Variants in PER3 observed in about 807,000 individuals in gnomAD.
The protein encoded by PER3 is period circadian regulator 3, also known as period circadian protein homolog 3.
A neutral mutation model predicts 127.2 loss-of-function variants in PER3; 107 were observed. That is an observed-to-expected ratio of 0.84 (90% CI 0.72 to 0.99). The LOEUF (loss-of-function observed/expected upper bound fraction) is 0.99. Ranked by LOEUF, PER3 falls within the 50% of genes least tolerant of loss-of-function variation. The pLI is 0.00. For missense variants in PER3, 1,560 were observed against 1,525.8 expected (o/e 1.02, Z -0.37); for synonymous variants, 618 against 585.8 (o/e 1.05, Z -0.79).
intron 21 of PER3, among the ~76,000 whole-genome samples, chr1:7,839,419 C>A (rs1489632250): frequency 1.3e-5 from 2 of 152,122 alleles, no homozygotes; most frequent in African/African-American, 4.8e-5. Context: ...GTATTAGTTT[C>A]TTAAATCATG....
chr1:7,825,891 C>CAAAAA (rs33950591), intron 16 of PER3, among the ~76,000 whole-genome samples: 1 of 141,130 alleles, frequency 7.1e-6, no homozygotes. Context: ...AACTCCATCT[C>CAAAAA]AAAAAAAAAA....
Position 7,784,642 on chromosome 1 carries a change from T to A in PER3, c.-224-12T>A. The stretch of plus-strand genomic sequence containing the variant: ...CCATTTGTCCCTTGTCACCCTTGTC[T>A]CCTCCCCCTAGGCCGGAGTCCTGAA... On this transcript the variant is annotated splice_polypyrimidine_tract_variant and intron_variant, in intron 1 of 21. Coordinates refer to ENST00000377532, the MANE Select transcript of PER3 (RefSeq NM_001377275.1). 2.4e-6 allele frequency: 1 copy of A among 421,938 alleles called. No homozygotes were observed. Among genetic ancestry groups the A allele is most frequent in the Non-Finnish European group, 4.2e-6 (1 of 240,170 alleles). The allele number at this position is 421,938 out of a possible 1,614,324, so 26.1% of individuals were successfully genotyped here.
chr1:7,843,321 G>T lies in PER3; in HGVS notation c.*566G>T, dbSNP rs2097399688. 6.5e-6 allele frequency: 1 copy of T among 152,770 alleles called. No homozygotes were observed. The allele number at this position is 152,770 out of a possible 1,614,324, so 9.5% of individuals were successfully genotyped here. A position where few individuals can be genotyped will look rare whatever the true frequency, so the allele number is the denominator to read the frequency against. On this transcript the variant is annotated 3_prime_UTR_variant, in exon 22 of 22. Coordinates refer to ENST00000377532, the MANE Select transcript of PER3 (RefSeq NM_001377275.1). ...TCCATTAGCATATCTGGGATAACCAGGTTTTGGGGGTTGAGTTTTGGCCTT... is the reference window on the plus strand; with the variant it reads ...TCCATTAGCATATCTGGGATAACCATGTTTTGGGGGTTGAGTTTTGGCCTT...
chr1:7,813,337 G>C (rs1259018595), intron 13 of PER3, among the ~76,000 whole-genome samples: 1 of 152,152 alleles, frequency 6.6e-6, no homozygotes, highest in Non-Finnish European at 1.5e-5. Context: ...CATCACCCCA[G>C]ACTTAACAAC....
intron 7 of PER3, among the ~76,000 whole-genome samples, chr1:7,799,237 T>C (rs2097159324): frequency 6.6e-6 from 1 of 152,058 alleles, no homozygotes; most frequent in South Asian, 2.1e-4. Flanking sequence ...ACAGGGCTTA[T>C]GGGAAAAATG....
rs752827946 is a variant in PER3 at position 7,793,870 on chromosome 1, GT to G, written c.593-84del. ...AGACCTCTCTCTCTTTTAAAAAATA[GT>G]TTGTTGTTTGATAATGGTGCAACAT... On this transcript the variant is annotated intron_variant, in intron 5 of 21. Transcript: ENST00000377532. 3.5e-4 allele frequency: 392 copies of G among 1,114,282 alleles called. 5 individuals carry two copies. In the Middle Eastern group the frequency reaches 0.017, roughly 47 times the overall value. 69.0% of individuals were successfully genotyped at this position (1,114,282 alleles called of 1,614,324 possible).
chr1:7,829,953 ATC>A lies in PER3; in HGVS notation c.3007_3008del (p.Ser1003AlafsTer79). The A allele has an allele frequency of 3.4e-6, 4 of 1,161,258 alleles. No individual in the cohort carries two copies. The highest frequency in any genetic ancestry group is 1.9e-5 in the South Asian group (1 of 51,648). 71.9% of individuals were successfully genotyped at this position (1,161,258 alleles called of 1,614,324 possible). On this transcript the variant is annotated frameshift_variant, in exon 19 of 22. Coordinates refer to ENST00000377532, the MANE Select transcript of PER3 (RefSeq NM_001377275.1). LOFTEE classifies it high-confidence loss of function. ...CTACTGCCAGCGCTCTGTCCACAGG[ATC>A]GCCTCCCATGAAGAATCCATCCCAT... ...HPTASALSTG[S>X]PPMKNPSHPT...
At chr1:7,791,006 A>G (rs2097117257) in intron 5 of PER3, among the ~76,000 whole-genome samples, 1 of 152,158 alleles carries the variant, frequency 6.6e-6, no homozygotes, top group South Asian at 2.1e-4. Context: ...ATGGGCTGGC[A>G]TTGAGTGTCT....
At chr1:7,810,623 A>G (rs780061968) in intron 13 of PER3, 35 bp downstream of exon 13, 42 of 1,583,168 alleles carry the variant, frequency 2.7e-5, no homozygotes, top group Non-Finnish European at 3.3e-5. Flanking sequence ...ATCTCCTTCC[A>G]TGGGCTGTCA....
At chr1:7,837,778 G>C (rs923054678) in intron 21 of PER3, among the ~76,000 whole-genome samples, 4 of 152,196 alleles carry the variant, frequency 2.6e-5, no homozygotes, top group African/African-American at 7.2e-5. Context: ...GAAGAGTCAA[G>C]TTAATAACAA....
chr1:7,786,422 G>A (rs1005613736), intron 3 of PER3, among the ~76,000 whole-genome samples: 2 of 152,142 alleles, frequency 1.3e-5, no homozygotes, highest in Non-Finnish European at 2.9e-5. Flanking sequence ...GTTCCTGAAT[G>A]ACAGAGTACT....
At chr1:7,803,667 AT>A in intron 9 of PER3, 24 bp from the exon 10 acceptor site, 3 of 1,434,652 alleles carry the variant, frequency 2.1e-6, no homozygotes, top group Non-Finnish European at 2.9e-6. Context: ...AGTAAATCCT[AT>A]TTTTGTCTTA....
In PER3 at chr1:7,808,232, C is replaced by CAAA. The variant is rs60220289; in HGVS notation, c.1137-636_1137-634dup. Among the ~76,000 whole-genome samples the CAAA allele has an allele frequency of 2.5e-3, 240 of 97,700 alleles. 20 individuals are homozygous for CAAA. Among genetic ancestry groups the CAAA allele is most frequent in the East Asian group, 0.018 (68 of 3,824 alleles). 64.1% of individuals were successfully genotyped at this position (97,700 alleles called of 152,430 possible). On this transcript the variant is annotated intron_variant, in intron 10 of 21. Transcript: ENST00000377532. The stretch of plus-strand genomic sequence containing the variant: ...TGGGTGACAGAGCAAGACTCTGTCT[C>CAAA]AAAAAAAAAAAAAAAAAAAAAAAAA...
Position 7,810,698 on chromosome 1 carries a change from T to G in PER3, c.1522+110T>G. ...AAGTCATGACCCTGTGTTGCTGCTTTTCATATTTCTTGATTTGCCTAGATA... is the reference window on the plus strand; with the variant it reads ...AAGTCATGACCCTGTGTTGCTGCTTGTCATATTTCTTGATTTGCCTAGATA... On this transcript the variant is annotated intron_variant, in intron 13 of 21. Transcript: ENST00000377532. 3 of 1,030,636 alleles carry G rather than the reference T, an allele frequency of 2.9e-6. No individual in the cohort carries two copies. The East Asian group carries it at 7.7e-5, about 27-fold the overall frequency. The allele number at this position is 1,030,636 out of a possible 1,614,324, so 63.8% of individuals were successfully genotyped here.
At chr1:7,791,556 G>A (rs1022235089) in intron 5 of PER3, among the ~76,000 whole-genome samples, 1 of 152,220 alleles carries the variant, frequency 6.6e-6, no homozygotes, top group African/African-American at 2.4e-5. Context: ...TTTCCCCATT[G>A]TCTTGGTGAT....
intron 5 of PER3, among the ~76,000 whole-genome samples, chr1:7,791,600 C>T (rs1347665300): frequency 2.0e-5 from 3 of 152,260 alleles, no homozygotes; most frequent in African/African-American, 7.2e-5. Flanking sequence ...CTGCAAATTT[C>T]TGTAGCAGGC....
chr1:7,825,432 C>T (rs2097297050), intron 16 of PER3, among the ~76,000 whole-genome samples: 1 of 152,146 alleles, frequency 6.6e-6, no homozygotes, highest in Admixed American at 6.5e-5. Flanking sequence ...AAATGGAACT[C>T]CGCAGCAGTG....
Position 7,827,794 on chromosome 1 carries a change from C to A in PER3, c.2865C>A (p.Asn955Lys). ...AATCTCCAGATCAGATGAGAAGGAA[C>A]ACGTGCCCACAAACTGAGTATGTAA... ...PSESPDQMRR[N>K]TCPQTEYQCV... The change falls in exon 18 of 22, where the codon AAC becomes AAA. Residue 955 changes from asparagine (N) to lysine (K), a missense_variant. Physicochemically the swap from Asn to Lys is moderately conservative, Grantham distance 94. This residue lies in a region of PER3 where 1,332 missense variants were observed against 1,223.6 expected (regional missense o/e 1.09). Transcript: ENST00000377532. The A allele has an allele frequency of 6.2e-7, 1 of 1,612,154 alleles. No homozygotes were observed. The highest frequency in any genetic ancestry group is 1.1e-5 in the South Asian group (1 of 90,994).
Position 7,786,740 on chromosome 1 carries a change from G to C in PER3, c.294G>C (p.Gln98His). The C allele has an allele frequency of 6.2e-7, 1 of 1,605,192 alleles. No individual in the cohort carries two copies. Residue 98 changes from glutamine (Q) to histidine (H), a missense_variant, in exon 4 of 22, where the codon CAG (glutamine) becomes CAC (histidine). Around this residue, in one of 3 missense-constraint regions of PER3, gnomAD observed 1,332 missense variants for 1,223.6 expected, o/e 1.09. Transcript: ENST00000377532. ...TCTTAGCAAACAGTGAGTTTTTCCA[G>C]ATTCTCAGTCAGAATGGAGCACCTC... ...HSVQANSEFF[Q>H]ILSQNGAPQA...
Sources: allele counts gnomAD v4.1 joint callset (sites outside exome capture counted in the v4.1 genomes callset), GRCh38; gene constraint gnomAD v4.1.1; regional missense constraint gnomAD v4.1.1; transcripts MANE v1.5; gene names NCBI Gene and HGNC (gene_info 2026-07-23, HGNC 2026-07-21).